The following TARS1 variants were observed in gnomAD, a reference collection of about 807,000 sequenced individuals.
TARS1 encodes the protein threonine--tRNA ligase 1, cytoplasmic.
TARS1 carries 57 observed loss-of-function variants against 97.7 expected under a neutral mutation model. The observed-to-expected ratio is 0.58, with a 90% CI of 0.47 to 0.73. The LOEUF is 0.73. TARS1 is among the 30% of genes least tolerant of loss of function. The pLI, the probability that TARS1 is intolerant of heterozygous loss-of-function variation, is 0.00. For synonymous variants in TARS1, 312 were observed against 293.7 expected (o/e 1.06, Z -0.64); for missense variants, 806 against 888.3 (o/e 0.91, Z 1.18).
intron 18 of TARS1, 67 bp from the exon 19 acceptor site, chr5:33,467,493 G>A: frequency 6.4e-7 from 1 of 1,552,144 alleles, no homozygotes. Flanking sequence ...TTTCTTTTCA[G>A]ATGTTCAGTG....
At chr5:33,452,422 G>A (rs1229307778) in intron 3 of TARS1, 1 of 1,535,106 alleles carries the variant, frequency 6.5e-7, no homozygotes, top group Admixed American at 2.0e-5. Context: ...GAATGCCATG[G>A]CCTCCTCTTT....
At chr5:33,448,022 T>A (rs555730845) in intron 2 of TARS1, among the ~76,000 whole-genome samples, 2 of 152,358 alleles carry the variant, frequency 1.3e-5, no homozygotes, top group South Asian at 4.1e-4. Flanking sequence ...TTGTTTTATA[T>A]AGTTGCTAAT....
At position 33,454,981 on chromosome 5, in the gene TARS1, G is replaced by A; in HGVS notation, c.490G>A (p.Ala164Thr). The change falls in exon 5 of 19, where the codon GCC becomes ACC. Residue 164 changes from alanine to threonine, a missense_variant. Coordinates refer to ENST00000265112, the MANE Select transcript of TARS1 (RefSeq NM_152295.5). The stretch of plus-strand genomic sequence containing the variant: ...CTCTAGTGCTCACATAATGGGTGAA[G>A]CCATGGAAAGAGTCTATGGTGGATG... ...WHSSAHIMGE[A>T]MERVYGGCLC... 1.2e-6 allele frequency: 2 copies of A among 1,613,902 alleles called. No homozygotes were observed. The highest frequency in any genetic ancestry group is 1.7e-6 in the Non-Finnish European group (2 of 1,179,920).
intron 18 of TARS1, 105 bp from the exon 19 acceptor site, chr5:33,467,455 A>T: frequency 1.6e-6 from 2 of 1,255,284 alleles, no homozygotes; most frequent in Non-Finnish European, 2.2e-6. Context: ...ATCAGAAGCT[A>T]TGGGGTAGGT....
intron 4 of TARS1, among the ~76,000 whole-genome samples, chr5:33,453,792 T>C (rs533444890): frequency 6.6e-6 from 1 of 152,064 alleles, no homozygotes; most frequent in Admixed American, 6.6e-5. Context: ...CGCTCTTGCC[T>C]CAGTACAACC....
At chr5:33,453,472 T>G in intron 4 of TARS1, 60 bp downstream of exon 4, 1 of 1,595,730 alleles carries the variant, frequency 6.3e-7, no homozygotes, top group Non-Finnish European at 8.5e-7. Flanking sequence ...TGAAGTCTTT[T>G]CCAGCTCAGT....
chr5:33,448,168 G>T (rs1741513300), intron 2 of TARS1, among the ~76,000 whole-genome samples: 1 of 152,128 alleles, frequency 6.6e-6, no homozygotes, highest in East Asian at 1.9e-4. Context: ...CCATCACCTG[G>T]ACATGAATGA....
chr5:33,452,284 T>A, intron 3 of TARS1: 1 of 1,320,934 alleles, frequency 7.6e-7, no homozygotes. Context: ...AGACTATTAT[T>A]TCTCTAGCTG....
intron 1 of TARS1, among the ~76,000 whole-genome samples, chr5:33,442,277 G>A (rs3777081): frequency 0.51 from 76,465 of 148,750 alleles, 20,780 homozygotes; most frequent in East Asian, 0.75. Context: ...GTGACTATAC[G>A]TAGATTTTTT....
rs2111570063 is a variant in TARS1, at chr5:33,459,738, A to G, written c.1127A>G (p.Asn376Ser). The G allele has an allele frequency of 6.2e-7, 1 of 1,614,176 alleles. No individual in the cohort carries two copies. The highest frequency in any genetic ancestry group is 2.2e-5 in the East Asian group (1 of 44,876). The change falls in exon 11 of 19, where the codon AAC (asparagine) becomes AGC (serine). Residue 376 changes from asparagine to serine, a missense_variant. Around this residue, in one of 3 missense-constraint regions of TARS1, gnomAD observed 446 missense variants for 511.0 expected, o/e 0.87. Coordinates refer to ENST00000265112, the MANE Select transcript of TARS1 (RefSeq NM_152295.5). ...GGATTCCAGGAGGTAGTCACCCCAA[A>G]CATCTTCAACAGCCGACTCTGGATG... Reference protein sequence around the residue: ...KRGFQEVVTPNIFNSRLWMTS... With the variant: ...KRGFQEVVTPSIFNSRLWMTS...
chr5:33,443,472 TTTC>T (rs1741242938), intron 1 of TARS1, among the ~76,000 whole-genome samples: 1 of 139,406 alleles, frequency 7.2e-6, no homozygotes, highest in African/African-American at 2.8e-5. Context: ...GCAATTTTTC[TTTC>T]TTTTTTTTTT....
chr5:33,467,089 C>G, intron 18 of TARS1, 104 bp downstream of exon 18: 1 of 455,940 alleles, frequency 2.2e-6, no homozygotes, highest in Admixed American at 4.4e-5. Context: ...TTATTTAGTT[C>G]CTTCCAGTCC....
chr5:33,450,480 C>A (rs960127035), intron 3 of TARS1, among the ~76,000 whole-genome samples: 2 of 152,156 alleles, frequency 1.3e-5, no homozygotes, highest in African/African-American at 4.8e-5. Context: ...TGGAGTGTTT[C>A]CATTCATTTG....
intron 3 of TARS1, among the ~76,000 whole-genome samples, chr5:33,452,960 A>T (rs866637408): frequency 1.9e-4 from 27 of 144,594 alleles, no homozygotes; most frequent in Admixed American, 8.3e-4. Context: ...CTAAAAAATT[A>T]AAAAAAAAAA....
chr5:33,451,531 C>G (rs866128517), intron 3 of TARS1, among the ~76,000 whole-genome samples: 1 of 152,062 alleles, frequency 6.6e-6, no homozygotes, highest in African/African-American at 2.4e-5. Context: ...CCCGCCACCA[C>G]GCCTGCCTAA....
chr5:33,457,599 C>T (rs1326768394), intron 9 of TARS1, among the ~76,000 whole-genome samples, 196 bp downstream of exon 9: 1 of 152,194 alleles, frequency 6.6e-6, no homozygotes, highest in Non-Finnish European at 1.5e-5. Flanking sequence ...ATGCTCAGTA[C>T]CGCACAAAAA....
At chr5:33,465,788 C>T (rs764219597) in intron 17 of TARS1, among the ~76,000 whole-genome samples, 1 of 152,142 alleles carries the variant, frequency 6.6e-6, no homozygotes, top group Admixed American at 6.5e-5. Context: ...ACACATAACT[C>T]GCATTTGAGA....
chr5:33,449,415 C>T (rs1184840513), intron 3 of TARS1, among the ~76,000 whole-genome samples: 5 of 140,324 alleles, frequency 3.6e-5, no homozygotes, highest in Non-Finnish European at 7.6e-5. Flanking sequence ...GTCCTGAAAG[C>T]GAAAAATAAA....
intron 4 of TARS1, among the ~76,000 whole-genome samples, chr5:33,453,801 CCT>C (rs1741878908): frequency 6.6e-6 from 1 of 151,752 alleles, no homozygotes; most frequent in Non-Finnish European, 1.5e-5. Flanking sequence ...CTCAGTACAA[CCT>C]CCACCTCCCA....
Sources: allele counts gnomAD v4.1 joint callset (sites outside exome capture counted in the v4.1 genomes callset), GRCh38; gene constraint gnomAD v4.1.1; regional missense constraint gnomAD v4.1.1; transcripts MANE v1.5; gene names NCBI Gene and HGNC (gene_info 2026-07-23, HGNC 2026-07-21).